Variants in AP3D1 observed in about 807,000 individuals in gnomAD.
The protein encoded by AP3D1 is AP-3 complex subunit delta-1.
AP3D1 carries 51 observed loss-of-function variants against 147.6 expected under a neutral mutation model. The ratio of observed to expected loss-of-function variants is 0.35; its 90% confidence interval spans 0.28 to 0.44. The LOEUF is 0.44. AP3D1 is among the 20% of genes least tolerant of loss of function. The pLI, the probability that AP3D1 is intolerant of heterozygous loss-of-function variation, is 1.00. For synonymous variants in AP3D1, 760 were observed against 663.0 expected (o/e 1.15, Z -2.25); for missense variants, 1,421 against 1,624.2 (o/e 0.87, Z 2.15).
chr19:2,124,207 C>A (rs12979804), intron 9 of AP3D1, among the ~76,000 whole-genome samples: 10,189 of 152,340 alleles, frequency 0.067, 498 homozygotes, highest in East Asian at 0.22. Flanking sequence ...CCCGAGGCCA[C>A]AGGACCAGAC....
At chr19:2,113,236 G>A in intron 23 of AP3D1, 100 bp downstream of exon 23, 5 of 697,268 alleles carry the variant, frequency 7.2e-6, no homozygotes, top group Admixed American at 2.9e-5. Context: ...TGCTGACCGC[G>A]AGAGCACAGG....
At position 2,151,238 on chromosome 19, in the gene AP3D1, C is replaced by T; in HGVS notation, c.96+1G>A. ...GCAGCCCCTTGGCGCGCCGGGCTCACCTCGTCCTCCTTGTGGTTACGGATG... is the reference window on the plus strand; with the variant it reads ...GCAGCCCCTTGGCGCGCCGGGCTCATCTCGTCCTCCTTGTGGTTACGGATG... On this transcript the variant is annotated splice_donor_variant, in intron 1 of 31. Transcript: ENST00000643116. LOFTEE classifies it high-confidence loss of function. 6.2e-7 allele frequency: 1 copy of T among 1,610,194 alleles called. No individual in the cohort carries two copies.
intron 20 of AP3D1, 32 bp downstream of exon 20, chr19:2,115,187 A>G: frequency 1.3e-6 from 2 of 1,588,634 alleles, no homozygotes; most frequent in Non-Finnish European, 1.7e-6. Flanking sequence ...AAAGATAGAC[A>G]TCCTAGGACC....
chr19:2,137,657 T>G (rs1296933566), intron 3 of AP3D1, 70 bp downstream of exon 3: 3 of 1,238,268 alleles, frequency 2.4e-6, no homozygotes, highest in Non-Finnish European at 3.5e-6. Context: ...TAATAAAAAT[T>G]GGCCAGTCAC....
chr19:2,130,958 G>A (rs2145114738), intron 5 of AP3D1, among the ~76,000 whole-genome samples: 1 of 152,366 alleles, frequency 6.6e-6, no homozygotes, highest in African/African-American at 2.4e-5. Context: ...GCCTGGTCCT[G>A]ACAGAGCCAA....
chr19:2,125,178 T>C (rs2018719059), intron 9 of AP3D1, among the ~76,000 whole-genome samples: 1 of 152,076 alleles, frequency 6.6e-6, no homozygotes, highest in African/African-American at 2.4e-5. Context: ...TATCTGGAAA[T>C]GAATAACCCT....
At chr19:2,121,588 T>C (rs573272094) in intron 12 of AP3D1, 146 bp downstream of exon 12, 6 of 1,196,634 alleles carry the variant, frequency 5.0e-6, no homozygotes, top group Non-Finnish European at 6.8e-6. Flanking sequence ...GGACCAGGAC[T>C]GGCGCCCCTC....
At chr19:2,156,557 G>GA (rs1168382305), upstream of AP3D1, among the ~76,000 whole-genome samples, 54 of 144,872 alleles carry the variant, frequency 3.7e-4, no homozygotes, top group Non-Finnish European at 5.2e-4. Flanking sequence ...AACGTTTATT[G>GA]AAAAAAAACA....
chr19:2,156,286 A>T (rs909405602), upstream of AP3D1, among the ~76,000 whole-genome samples: 5 of 152,112 alleles, frequency 3.3e-5, no homozygotes, highest in Non-Finnish European at 7.3e-5. Flanking sequence ...AGCCCGAATC[A>T]GTTACCTTGT....
rs1466609585 is a variant in AP3D1 at position 2,124,841 on chromosome 19, G to A, written c.857-962C>T. On this transcript the variant is annotated intron_variant, in intron 9 of 31. Coordinates refer to ENST00000643116, the MANE Select transcript of AP3D1 (RefSeq NM_001261826.3). ...TGTAACCCCAGCTACTCTGGAGGCT[G>A]AGGCAGGAGAATCGCTTGACCTGGG... Among the ~76,000 whole-genome samples the A allele has an allele frequency of 5.3e-5, 8 of 152,326 alleles. No individual in the cohort carries two copies. The South Asian group carries it at 1.0e-3, about 20-fold the overall frequency.
intron 29 of AP3D1, chr19:2,109,455 C>G (rs2018202529): frequency 1.9e-6 from 1 of 526,590 alleles, no homozygotes; most frequent in South Asian, 2.7e-5. Context: ...ATGGGCCCTC[C>G]TCCGACAAGG....
At chr19:2,118,448 A>G (rs1265494843) in intron 15 of AP3D1, among the ~76,000 whole-genome samples, 153 bp downstream of exon 15, 2 of 152,080 alleles carry the variant, frequency 1.3e-5, no homozygotes, top group Non-Finnish European at 1.5e-5. Context: ...CCACTGACTA[A>G]CCCCAAACCC....
At position 2,128,102 on chromosome 19, in the gene AP3D1, C is replaced by T. The variant is rs185826589; in HGVS notation, c.807-901G>A. The stretch of plus-strand genomic sequence containing the variant: ...GTCATGGCGATGACGCCTCTGCCTG[C>T]GGCCCACTGCACCCCTCCCCTTCCC... On this transcript the variant is annotated intron_variant, in intron 8 of 31. Coordinates refer to ENST00000643116, the MANE Select transcript of AP3D1 (RefSeq NM_001261826.3). 3.0e-3 allele frequency among the ~76,000 whole-genome samples: 450 copies of T among 152,324 alleles called. 1 individual carries two copies. Among genetic ancestry groups the T allele is most frequent in the African/African-American group, 9.8e-3 (407 of 41,566 alleles).
intron 1 of AP3D1, chr19:2,164,285 G>A (rs2019822304): frequency 8.1e-7 from 1 of 1,240,720 alleles, no homozygotes; most frequent in African/African-American, 1.6e-5. Context: ...GCCCTCCACC[G>A]TCCCTACCTC....
intron 22 of AP3D1, 54 bp from the exon 23 acceptor site, chr19:2,113,467 G>C: frequency 9.0e-7 from 1 of 1,117,168 alleles, no homozygotes; most frequent in Non-Finnish European, 1.2e-6. Context: ...CCTGGGAAGA[G>C]GGGACGGGGA....
intron 1 of AP3D1, among the ~76,000 whole-genome samples, chr19:2,139,965 TG>T (rs899611079): frequency 2.1e-5 from 3 of 141,336 alleles, no homozygotes; most frequent in African/African-American, 5.1e-5. Context: ...TGTGGGGGAG[TG>T]GGGGGGTGGG....
At chr19:2,130,754 C>T (rs185760112) in intron 5 of AP3D1, among the ~76,000 whole-genome samples, 12 of 152,370 alleles carry the variant, frequency 7.9e-5, no homozygotes, top group Non-Finnish European at 1.6e-4. Context: ...GAGCCCTCTT[C>T]CCTTGTGGCC....
intron 26 of AP3D1, 137 bp downstream of exon 26, chr19:2,111,148 G>GC (rs1217442819): frequency 8.5e-7 from 1 of 1,179,120 alleles, no homozygotes; most frequent in African/African-American, 1.5e-5. Flanking sequence ...TGCTGCCCAA[G>GC]CAACGCCCCT....
Position 2,113,345 on chromosome 19 carries a change from A to C in AP3D1, c.2670T>G (p.Val890=). Residue 890 remains valine, a synonymous_variant, in exon 23 of 32, where the codon GTT becomes GTG. Coordinates refer to ENST00000643116, the MANE Select transcript of AP3D1 (RefSeq NM_001261826.3). ...GCTGCCAGTCTCTTACCGTGGATGG[A>C]ACGGGGGCGGGGGCGGGGGCGGGGG... ...PPAPAPAPAP[V]PSTGELSVNT... is the part of the protein sequence containing the mutation. 1.3e-6 allele frequency: 1 copy of C among 750,746 alleles called. No individual in the cohort carries two copies. The highest frequency in any genetic ancestry group is 1.9e-6 in the Non-Finnish European group (1 of 525,762). The allele number at this position is 750,746 out of a possible 1,614,324, so 46.5% of individuals were successfully genotyped here. A position where few individuals can be genotyped will look rare whatever the true frequency, so the allele number is the denominator to read the frequency against.
Sources: allele counts gnomAD v4.1 joint callset (sites outside exome capture counted in the v4.1 genomes callset), GRCh38; gene constraint gnomAD v4.1.1; transcripts MANE v1.5; gene names NCBI Gene and HGNC (gene_info 2026-07-23, HGNC 2026-07-21).